The following MUC5AC variants were observed in gnomAD, a reference collection of about 807,000 sequenced individuals.
MUC5AC encodes mucin 5AC, oligomeric mucus/gel-forming, also known as mucin-5AC.
In MUC5AC, 158 loss-of-function variants were observed where a neutral mutation model predicts 169.7. The ratio of observed to expected loss-of-function variants is 0.93; its 90% CI spans 0.82 to 1.06. The LOEUF (loss-of-function observed/expected upper bound fraction) is 1.06. Ranked by LOEUF, MUC5AC falls within the 50% of genes least tolerant of loss-of-function variation. The pLI is 0.00. For missense variants in MUC5AC, 4,359 were observed against 3,089.9 expected (o/e 1.41, Z -9.74); for synonymous variants, 1,975 against 1,237.0 (o/e 1.60, Z -12.52).
rs1369123141 is a variant in MUC5AC, at chr11:1,191,922, C to G, written c.13777C>G (p.Pro4593Ala). 3.9e-6 allele frequency: 3 copies of G among 764,952 alleles called. No individual in the cohort carries two copies. The highest frequency in any genetic ancestry group is 7.2e-6 in the Non-Finnish European group (3 of 417,756). The allele number at this position is 764,952 out of a possible 1,614,324, so 47.4% of individuals were successfully genotyped here. Reference protein sequence around the residue: ...TSTTSGPGTTPSPVPTTSTTP... With the variant: ...TSTTSGPGTTASPVPTTSTTP... The stretch of plus-strand genomic sequence containing the variant: ...CACGACCTCTGGTCCTGGAACTACT[C>G]CCAGCCCCGTTCCCACCACCAGCAC... The change falls in exon 31 of 49, where the codon CCC becomes GCC. Residue 4593 changes from proline to alanine, a missense_variant. Coordinates refer to ENST00000621226, the MANE Select transcript of MUC5AC (RefSeq NM_001304359.2).
At position 1,199,003 on chromosome 11, in the gene MUC5AC, G is replaced by A. The variant is rs771385546; in HGVS notation, c.16296+7G>A. 46 of 763,572 alleles carry A rather than the reference G, an allele frequency of 6.0e-5. No homozygotes were observed. Among genetic ancestry groups the A allele is most frequent in the Non-Finnish European group, 1.0e-4 (42 of 417,272 alleles). The allele number at this position is 763,572 out of a possible 1,614,324, so 47.3% of individuals were successfully genotyped here. A position where few individuals can be genotyped will look rare whatever the true frequency, so the allele number is the denominator to read the frequency against. ...CAACACACACTGCCCTGTGGTGAGC[G>A]CTCCCACCCTGCCCCGACCCTGCCC... On this transcript the variant is annotated splice_region_variant and intron_variant, in intron 44 of 48. Coordinates refer to ENST00000621226, the MANE Select transcript of MUC5AC (RefSeq NM_001304359.2).
chr11:1,185,179 G>T lies in MUC5AC; in HGVS notation c.7034G>T (p.Gly2345Val). ...APTSSTTSGP[G>V]TTPSPVPTTS... Reference sequence around the variant, plus strand: ...ACAAGCAGCACAACCTCTGGTCCTGGAACTACTCCCAGCCCTGTTCCTACC... The same window carrying T: ...ACAAGCAGCACAACCTCTGGTCCTGTAACTACTCCCAGCCCTGTTCCTACC... Residue 2345 changes from glycine (G) to valine (V), a missense_variant, in exon 31 of 49, where the codon GGA becomes GTA. By Grantham distance (109) the Gly-to-Val change is moderately radical. Coordinates refer to ENST00000621226, the MANE Select transcript of MUC5AC (RefSeq NM_001304359.2). 4.5e-6 allele frequency: 3 copies of T among 660,264 alleles called. No individual in the cohort carries two copies. The East Asian group carries it at 8.3e-5, about 18-fold the overall frequency. The allele number at this position is 660,264 out of a possible 1,614,324, so 40.9% of individuals were successfully genotyped here. A position where few individuals can be genotyped will look rare whatever the true frequency, so the allele number is the denominator to read the frequency against.
intron 15 of MUC5AC, among the ~76,000 whole-genome samples, chr11:1,171,951 T>TCATC (rs1860561669): frequency 1.4e-5 from 2 of 138,660 alleles, no homozygotes; most frequent in African/African-American, 2.8e-5. Context: ...ATTCACTCAC[T>TCATC]CACTCACTCA....
intron 1 of MUC5AC, among the ~76,000 whole-genome samples, chr11:1,159,043 G>A (rs894803472): frequency 2.6e-5 from 4 of 151,144 alleles, no homozygotes; most frequent in African/African-American, 7.3e-5. Context: ...TGGGGTCTGC[G>A]GGGGCTTAGA....
At chr11:1,160,492 G>T (rs897152137) in intron 1 of MUC5AC, 120 bp from the exon 2 acceptor site, 3 of 785,402 alleles carry the variant, frequency 3.8e-6, no homozygotes, top group South Asian at 1.6e-5. Context: ...CCCTTGCCAC[G>T]GGCCACCCCC....
At chr11:1,181,872 C>A (rs1860823164) in intron 30 of MUC5AC, among the ~76,000 whole-genome samples, 1 of 152,246 alleles carries the variant, frequency 6.6e-6, no homozygotes, top group Non-Finnish European at 1.5e-5. Flanking sequence ...ATCATCTGAG[C>A]TTCTCTGAGA....
At position 1,186,551 on chromosome 11, in the gene MUC5AC, C is replaced by T; in HGVS notation, c.8406C>T (p.Thr2802=). 1 of 701,812 alleles carries T rather than the reference C, an allele frequency of 1.4e-6. No individual in the cohort carries two copies. The highest frequency in any genetic ancestry group is 2.6e-6 in the Non-Finnish European group (1 of 384,444). 43.5% of individuals were successfully genotyped at this position (701,812 alleles called of 1,614,324 possible). A position where few individuals can be genotyped will look rare whatever the true frequency, so the allele number is the denominator to read the frequency against. ...CCAGCACAACCTCTACTACTATAAC[C>T]AGCACAACTTCTGCCCCTATAAGCA... is the stretch of plus-strand genomic sequence containing the variant. The part of the protein sequence containing the change: ...PTTSTTSTTI[T]STTSAPISST... The change falls in exon 31 of 49, where the codon ACC becomes ACT. Residue 2802 remains threonine (T), a synonymous_variant. Transcript: ENST00000621226.
At chr11:1,169,799 C>T (rs1341840560) in intron 15 of MUC5AC, among the ~76,000 whole-genome samples, 1 of 147,948 alleles carries the variant, frequency 6.8e-6, no homozygotes, top group Non-Finnish European at 1.5e-5. Context: ...TTCACCCACT[C>T]ACCTACTCAC....
At position 1,167,718 on chromosome 11, in the gene MUC5AC, A is replaced by C. The variant is rs548563456; in HGVS notation, c.1387-159A>C. 3.3e-5 allele frequency among the ~76,000 whole-genome samples: 5 copies of C among 152,138 alleles called. No individual in the cohort carries two copies. In the South Asian group the frequency reaches 1.0e-3, roughly 32 times the overall value. On this transcript the variant is annotated intron_variant, in intron 11 of 48. Transcript: ENST00000621226. ...GATTTCTGTGTGTGCCTGGGTGTCC[A>C]CACCTGGGGGCCTCCTAGCACACCT...
At chr11:1,161,610 G>A in intron 3 of MUC5AC, 24 bp downstream of exon 3, 1 of 1,603,502 alleles carries the variant, frequency 6.2e-7, no homozygotes, top group Non-Finnish European at 8.5e-7. Flanking sequence ...GGAGGCCTGG[G>A]TGGGGAAGGG....
chr11:1,200,659 G>T lies in MUC5AC; in HGVS notation c.16922G>T (p.Ser5641Ile), dbSNP rs772942747. 6.6e-6 allele frequency: 5 copies of T among 763,204 alleles called. No homozygotes were observed. The highest frequency in any genetic ancestry group is 1.2e-5 in the Non-Finnish European group (5 of 416,582). The allele number at this position is 763,204 out of a possible 1,614,324, so 47.3% of individuals were successfully genotyped here. A position where few individuals can be genotyped will look rare whatever the true frequency, so the allele number is the denominator to read the frequency against. Residue 5641 changes from serine to isoleucine, a missense_variant, in exon 49 of 49, where the codon AGT (serine) becomes ATT (isoleucine). Ser to Ile is a moderately radical substitution (Grantham distance 142). Transcript: ENST00000621226. ...AEPEPSQEAE[S>I]GSWERGVPVS... is the part of the protein sequence containing the mutation. Reference sequence around the variant, plus strand: ...CCCGAGCCCAGCCAGGAGGCAGAGAGTGGGAGCTGGGAGAGAGGCGTCCCA... The same window carrying T: ...CCCGAGCCCAGCCAGGAGGCAGAGATTGGGAGCTGGGAGAGAGGCGTCCCA...
At chr11:1,169,277 C>A in intron 15 of MUC5AC, 2 of 675,986 alleles carry the variant, frequency 3.0e-6, no homozygotes, top group South Asian at 6.7e-5. Flanking sequence ...TCCGCCCTGA[C>A]CGCCTACCCC....
intron 46 of MUC5AC, 31 bp downstream of exon 46, chr11:1,199,521 G>A (rs780498185): frequency 7.1e-6 from 5 of 702,762 alleles, no homozygotes; most frequent in South Asian, 1.5e-5. Context: ...TCCAGCCAAG[G>A]GGGGCTTCAC....
chr11:1,171,906 C>T lies in MUC5AC; in HGVS notation c.1871-523C>T, dbSNP rs1039126710. On this transcript the variant is annotated intron_variant, in intron 15 of 48. Transcript: ENST00000621226. ...ACTCACCCACTCGCTCACCCATTCA[C>T]CCACTCACCTACTCACTCACTCACT... Among the ~76,000 whole-genome samples, 456 of 152,048 alleles carry T rather than the reference C, an allele frequency of 3.0e-3. 1 individual carries two copies. Among genetic ancestry groups the T allele is most frequent in the African/African-American group, 0.01 (423 of 41,462 alleles).
chr11:1,158,116 G>A (rs751365910), intron 1 of MUC5AC, 44 bp downstream of exon 1: 26 of 1,517,706 alleles, frequency 1.7e-5, no homozygotes, highest in Non-Finnish European at 2.0e-5. Flanking sequence ...TGGGTGGTGC[G>A]GTACTGAGTG....
At position 1,190,449 on chromosome 11, in the gene MUC5AC, C is replaced by G. The variant is rs1267963993; in HGVS notation, c.12304C>G (p.Gln4102Glu). 455 of 689,448 alleles carry G rather than the reference C, an allele frequency of 6.6e-4. 2 individuals carry two copies. The highest frequency in any genetic ancestry group is 1.1e-3 in the Non-Finnish European group (404 of 378,844). 42.7% of individuals were successfully genotyped at this position (689,448 alleles called of 1,614,324 possible). A position where few individuals can be genotyped will look rare whatever the true frequency, so the allele number is the denominator to read the frequency against. ...GACAACCAGCACAACCTCCACTCCA[C>G]AGACCAGCACAACCTCTGCCCCTAC... ...LVTTSTTSTP[Q>E]TSTTSAPTTS... The change falls in exon 31 of 49, where the codon CAG becomes GAG. Residue 4102 changes from glutamine (Q) to glutamate (E), a missense_variant. Physicochemically the swap from Gln to Glu is conservative, Grantham distance 29. Transcript: ENST00000621226.
chr11:1,176,204 A>G lies in MUC5AC; in HGVS notation c.2455A>G (p.Thr819Ala). 2.5e-6 allele frequency: 1 copy of G among 398,646 alleles called. No homozygotes were observed. The highest frequency in any genetic ancestry group is 4.4e-6 in the Non-Finnish European group (1 of 226,080). 24.7% of individuals were successfully genotyped at this position (398,646 alleles called of 1,614,324 possible). Residue 819 changes from threonine to alanine, a missense_variant, in exon 20 of 49, where the codon ACA (threonine) becomes GCA (alanine). Physicochemically the swap from Thr to Ala is moderately conservative, Grantham distance 58. Transcript: ENST00000621226. Reference protein sequence around the residue: ...FDCRNATPGDTGAGCQKSCHT... With the variant: ...FDCRNATPGDAGAGCQKSCHT... ...CTGCCGAAATGCCACGCCCGGGGAC[A>G]CAGGGGCTGGCTGTCAGAAGAGCTG...
intron 8 of MUC5AC, 22 bp downstream of exon 8, chr11:1,164,341 C>T (rs1429408745): frequency 8.1e-6 from 13 of 1,611,806 alleles, no homozygotes; most frequent in Non-Finnish European, 1.1e-5. Flanking sequence ...AGCCCCCTGT[C>T]CCCCAACCCC....
rs560595768 is a variant in MUC5AC at position 1,161,901 on chromosome 11, C to T, written c.212-6C>T. 8 of 1,610,102 alleles carry T rather than the reference C, an allele frequency of 5.0e-6. No homozygotes were observed. The African/African-American group carries it at 9.3e-5, about 19-fold the overall frequency. ...GCCCCCAAACACCATGCTGCTTCCA[C>T]CGCAGCCTCCAACCCGGCGCACAAC... On this transcript the variant is annotated splice_polypyrimidine_tract_variant and splice_region_variant and intron_variant, in intron 3 of 48. Coordinates refer to ENST00000621226, the MANE Select transcript of MUC5AC (RefSeq NM_001304359.2).
Sources: gnomAD v4.1 joint callset for allele counts (sites outside exome capture counted in the v4.1 genomes callset) on GRCh38, gnomAD v4.1.1 for gene constraint, MANE v1.5 for transcripts, NCBI Gene and HGNC (gene_info 2026-07-23, HGNC 2026-07-21) for gene names.